Variants in DLGAP1 observed in about 807,000 individuals in gnomAD.
The protein encoded by DLGAP1 is DLG associated protein 1, also known as disks large-associated protein 1.
In DLGAP1, 11 loss-of-function variants were observed where a neutral mutation model predicts 90.8. The observed-to-expected ratio is 0.12, with a 90% CI of 0.08 to 0.20. The LOEUF (loss-of-function observed/expected upper bound fraction) is 0.20. Ranked by LOEUF, DLGAP1 falls within the 10% of genes least tolerant of loss-of-function variation. The probability of loss-of-function intolerance (pLI) is 1.00; values close to 1 mark genes in which losing one functional copy is unlikely to be tolerated. For synonymous variants in DLGAP1, 558 were observed against 540.7 expected (o/e 1.03, Z -0.44); for missense variants, 1,050 against 1,333.8 (o/e 0.79, Z 3.31).
chr18:4,447,774 T>C (rs1261293407), intron 1 of DLGAP1, among the ~76,000 whole-genome samples: 1 of 152,148 alleles, frequency 6.6e-6, no homozygotes, highest in Non-Finnish European at 1.5e-5. Context: ...CATTTCTACT[T>C]CCCTGGACTT....
chr18:3,826,355 A>T (rs938747744), intron 4 of DLGAP1, among the ~76,000 whole-genome samples: 1 of 152,198 alleles, frequency 6.6e-6, no homozygotes, highest in African/African-American at 2.4e-5. Context: ...TTAGGCAATG[A>T]TACGTACTAT....
chr18:4,392,104 C>T (rs1383388526), intron 1 of DLGAP1, among the ~76,000 whole-genome samples: 1 of 152,082 alleles, frequency 6.6e-6, no homozygotes, highest in Admixed American at 6.5e-5. Flanking sequence ...GAAATGAAAC[C>T]AGTTTCCTCC....
chr18:3,987,695 G>A (rs2149043482), intron 3 of DLGAP1, among the ~76,000 whole-genome samples: 1 of 152,258 alleles, frequency 6.6e-6, no homozygotes, highest in South Asian at 2.1e-4. Flanking sequence ...TTCCTACAAT[G>A]ACTATTTAAT....
intron 3 of DLGAP1, among the ~76,000 whole-genome samples, chr18:3,971,614 T>C (rs1421044981): frequency 6.6e-6 from 1 of 152,228 alleles, no homozygotes; most frequent in Non-Finnish European, 1.5e-5. Flanking sequence ...TTTTATATTG[T>C]TCCAAGACTT....
At chr18:3,789,424 G>C (rs1407137173) in intron 5 of DLGAP1, among the ~76,000 whole-genome samples, 1 of 152,196 alleles carries the variant, frequency 6.6e-6, no homozygotes, top group African/African-American at 2.4e-5. Flanking sequence ...ACGGAAGGCC[G>C]GGGCCGAAGA....
intron 3 of DLGAP1, among the ~76,000 whole-genome samples, chr18:3,961,806 T>C (rs1370767940): frequency 6.6e-6 from 1 of 152,108 alleles, no homozygotes; most frequent in Non-Finnish European, 1.5e-5. Context: ...AGCATGGGCT[T>C]GGGGGCCTGC....
chr18:3,600,915 G>GATAGATATATAGAT (rs2056947018), intron 7 of DLGAP1, among the ~76,000 whole-genome samples: 5 of 16,790 alleles, frequency 3.0e-4, no homozygotes, highest in East Asian at 1.1e-3. Context: ...TATATAGATA[G>GATAGATATATAGAT]ATATAGATAT....
intron 2 of DLGAP1, among the ~76,000 whole-genome samples, chr18:4,019,833 A>G (rs1402695302): frequency 2.0e-5 from 3 of 152,146 alleles, no homozygotes; most frequent in Non-Finnish European, 4.4e-5. Context: ...ACACACATAC[A>G]CACGCACACA....
chr18:4,021,995 A>G (rs1440043801), intron 2 of DLGAP1, among the ~76,000 whole-genome samples: 1 of 152,186 alleles, frequency 6.6e-6, no homozygotes, highest in South Asian at 2.1e-4. Flanking sequence ...AGGAGGTATT[A>G]TCACATTTTC....
intron 1 of DLGAP1, among the ~76,000 whole-genome samples, chr18:4,390,428 C>A (rs9966661): frequency 6.6e-6 from 1 of 151,874 alleles, no homozygotes; most frequent in Admixed American, 6.6e-5. Context: ...GCACATTCTA[C>A]GAGCTTTGAA....
At chr18:3,922,855 G>A (rs978162813) in intron 3 of DLGAP1, among the ~76,000 whole-genome samples, 1 of 152,082 alleles carries the variant, frequency 6.6e-6, no homozygotes, top group Non-Finnish European at 1.5e-5. Flanking sequence ...GCACTAGGCC[G>A]AGTGTCGTGG....
At chr18:4,247,773 T>C (rs75350863) in intron 1 of DLGAP1, among the ~76,000 whole-genome samples, 2,243 of 151,762 alleles carry the variant, frequency 0.015, 61 homozygotes, top group African/African-American at 0.05. Context: ...CAAGACTCCA[T>C]CTTAAAAAAA....
intron 1 of DLGAP1, among the ~76,000 whole-genome samples, chr18:4,368,155 T>A (rs1598296403): frequency 1.3e-5 from 2 of 152,318 alleles, no homozygotes; most frequent in South Asian, 4.1e-4. Flanking sequence ...AGAGGCAGCG[T>A]CTTGGCTAAA....
At chr18:4,225,151 C>G (rs1017418032) in intron 1 of DLGAP1, among the ~76,000 whole-genome samples, 1 of 152,148 alleles carries the variant, frequency 6.6e-6, no homozygotes, top group African/African-American at 2.4e-5. Context: ...TAAACCAGCT[C>G]TAGCCAGAGG....
intron 8 of DLGAP1, chr18:3,580,185 G>A: frequency 6.8e-7 from 1 of 1,461,982 alleles, no homozygotes; most frequent in Non-Finnish European, 9.6e-7. Context: ...CCTGATTTGA[G>A]CCAGACGTCC....
intron 7 of DLGAP1, among the ~76,000 whole-genome samples, chr18:3,667,674 C>T (rs1657022393): frequency 6.6e-6 from 1 of 152,166 alleles, no homozygotes; most frequent in South Asian, 2.1e-4. Context: ...AAGTACATCT[C>T]TGACACTTCC....
intron 3 of DLGAP1, among the ~76,000 whole-genome samples, chr18:3,897,778 A>ATTTTTTTTTT (rs869170460): frequency 1.1e-5 from 1 of 94,478 alleles, no homozygotes; most frequent in Non-Finnish European, 2.0e-5. Flanking sequence ...CGAATTTCTG[A>ATTTTTTTTTT]TTTTTTTTTT....
chr18:3,898,018 T>G (rs550367366), intron 3 of DLGAP1, among the ~76,000 whole-genome samples: 1 of 151,902 alleles, frequency 6.6e-6, no homozygotes, highest in African/African-American at 2.4e-5. Flanking sequence ...ATGGTCTCGA[T>G]CTCCTGACCT....
At chr18:4,391,594 T>C (rs2082341560) in intron 1 of DLGAP1, among the ~76,000 whole-genome samples, 1 of 152,178 alleles carries the variant, frequency 6.6e-6, no homozygotes, top group South Asian at 2.1e-4. Context: ...AAGAAGCGAC[T>C]ACATAGCCCA....
Sources: gnomAD v4.1 joint callset for allele counts (sites outside exome capture counted in the v4.1 genomes callset) on GRCh38, gnomAD v4.1.1 for gene constraint, MANE v1.5 for transcripts, NCBI Gene and HGNC (gene_info 2026-07-23, HGNC 2026-07-21) for gene names.